The following MIPEP variants were observed in gnomAD, a reference collection of about 807,000 sequenced individuals.
MIPEP encodes mitochondrial intermediate peptidase.
Under a neutral mutation model 90.3 loss-of-function variants are expected in MIPEP, and 79 were observed. That is an observed-to-expected ratio of 0.87 (90% CI 0.73 to 1.05). The LOEUF is 1.05. MIPEP is among the 50% of genes least tolerant of loss of function. The probability of loss-of-function intolerance (pLI) is 0.00; values close to 1 mark genes in which losing one functional copy is unlikely to be tolerated. For missense variants in MIPEP, 940 were observed against 905.6 expected, an observed-to-expected ratio of 1.04 and a Z score of -0.49; for synonymous variants, 334 against 315.8, an observed-to-expected ratio of 1.06 and a Z score of -0.61.
intron 7 of MIPEP, among the ~76,000 whole-genome samples, chr13:23,866,384 C>A (rs950795480): frequency 2.6e-5 from 4 of 152,180 alleles, no homozygotes; most frequent in Non-Finnish European, 5.9e-5. Context: ...CAGCCCCCTG[C>A]CAATACATCA....
At chr13:23,823,492 C>T (rs1953333298) in intron 14 of MIPEP, among the ~76,000 whole-genome samples, 1 of 152,168 alleles carries the variant, frequency 6.6e-6, no homozygotes, top group African/African-American at 2.4e-5. Flanking sequence ...TACGTTATGA[C>T]TGCCATCTTG....
At chr13:23,860,426 T>C (rs1465373669) in intron 9 of MIPEP, among the ~76,000 whole-genome samples, 1 of 151,918 alleles carries the variant, frequency 6.6e-6, no homozygotes, top group Non-Finnish European at 1.5e-5. Context: ...CAAAACTAAG[T>C]GAATAGAGAT....
At chr13:23,877,558 AAATACATTGATACATCAGATTTCC>A (rs1439821370) in intron 4 of MIPEP, among the ~76,000 whole-genome samples, 1 of 152,198 alleles carries the variant, frequency 6.6e-6, no homozygotes, top group Non-Finnish European at 1.5e-5. Context: ...TCAAGCAGGG[AAATACATTGATACATCAGATTTCC>A]AAACTTACTG....
At chr13:23,810,035 T>A in intron 14 of MIPEP, 111 bp from the exon 15 acceptor site, 1 of 545,572 alleles carries the variant, frequency 1.8e-6, no homozygotes, top group Non-Finnish European at 3.2e-6. Context: ...AGTAATAGAA[T>A]TTCATTATAG....
intron 14 of MIPEP, among the ~76,000 whole-genome samples, chr13:23,834,877 T>C (rs1186195182): frequency 6.6e-6 from 1 of 152,292 alleles, no homozygotes; most frequent in East Asian, 1.9e-4. Flanking sequence ...TCTATGTTAT[T>C]GGCCAAGTCT....
chr13:23,859,272 T>C (rs1047723706), intron 9 of MIPEP, among the ~76,000 whole-genome samples: 41 of 152,176 alleles, frequency 2.7e-4, no homozygotes, highest in African/African-American at 9.7e-4. Flanking sequence ...ACACTGTAGG[T>C]AAGATGAGTG....
At chr13:23,824,144 C>T (rs571782569) in intron 14 of MIPEP, among the ~76,000 whole-genome samples, 1 of 152,274 alleles carries the variant, frequency 6.6e-6, no homozygotes, top group African/African-American at 2.4e-5. Context: ...ATAGTTATCA[C>T]CTGAATTCTC....
chr13:23,769,433 T>C (rs1038434355), intron 16 of MIPEP, among the ~76,000 whole-genome samples: 2 of 152,226 alleles, frequency 1.3e-5, no homozygotes, highest in Non-Finnish European at 2.9e-5. Flanking sequence ...GTGCCCTTTG[T>C]AGACCATGAG....
chr13:23,760,122 C>T lies in MIPEP; in HGVS notation c.1944G>A (p.Glu648=), dbSNP rs755280433. The change falls in exon 17 of 19, where the codon GAG becomes GAA. Residue 648 remains glutamate, a synonymous_variant. Transcript: ENST00000382172. ...SRAVASMVWK[E]CFLQDPFNRA... is the part of the protein sequence containing the mutation. ...TGTTGAAAGGATCCTGTAGAAAACA[C>T]TCCTTCCAAACCATGGAGGCGACCG... 6.2e-7 allele frequency: 1 copy of T among 1,614,054 alleles called. No homozygotes were observed. The highest frequency in any genetic ancestry group is 1.3e-5 in the African/African-American group (1 of 74,934).
intron 16 of MIPEP, among the ~76,000 whole-genome samples, chr13:23,762,302 T>C (rs1462268131): frequency 1.3e-5 from 2 of 152,122 alleles, no homozygotes; most frequent in Admixed American, 6.6e-5. Context: ...CTAGTTAACA[T>C]ATCAAGGAAG....
chr13:23,791,812 TC>T (rs1952900314), intron 16 of MIPEP, among the ~76,000 whole-genome samples: 1 of 152,174 alleles, frequency 6.6e-6, no homozygotes, highest in African/African-American at 2.4e-5. Flanking sequence ...ACTCACTGCC[TC>T]CAATTCTTCT....
rs1324185934 is a variant in MIPEP at position 23,837,648 on chromosome 13, T to C, written c.1447A>G (p.Thr483Ala). 1.9e-6 allele frequency: 3 copies of C among 1,613,874 alleles called. No homozygotes were observed. Among genetic ancestry groups the C allele is most frequent in the Non-Finnish European group, 2.5e-6 (3 of 1,179,844 alleles). Residue 483 changes from threonine (T) to alanine (A), a missense_variant, in exon 13 of 19, where the codon ACT becomes GCT. Physicochemically the swap from Thr to Ala is moderately conservative, Grantham distance 58. Coordinates refer to ENST00000382172, the MANE Select transcript of MIPEP (RefSeq NM_005932.4). Reference protein sequence around the residue: ...NLPRSSRSSPTLLTPSMMENL... With the variant: ...NLPRSSRSSPALLTPSMMENL... The stretch of plus-strand genomic sequence containing the variant: ...TCCATCATGCTAGGAGTTAGCAAAG[T>C]TGGAGAACTCCTTGAGGAACGGGGA...
At chr13:23,794,668 A>G (rs539358768) in intron 16 of MIPEP, among the ~76,000 whole-genome samples, 9 of 152,332 alleles carry the variant, frequency 5.9e-5, no homozygotes, top group African/African-American at 2.2e-4. Context: ...GCCGAGAAGA[A>G]AAAAAGGGCA....
chr13:23,878,276 G>A (rs1871148532), intron 4 of MIPEP, among the ~76,000 whole-genome samples: 1 of 152,168 alleles, frequency 6.6e-6, no homozygotes, highest in Non-Finnish European at 1.5e-5. Context: ...CTTCACTAGT[G>A]TCCTGAGCAT....
At chr13:23,785,406 G>T (rs539493581) in intron 16 of MIPEP, among the ~76,000 whole-genome samples, 2 of 149,288 alleles carry the variant, frequency 1.3e-5, no homozygotes, top group Admixed American at 6.8e-5. Flanking sequence ...ACCAAACACC[G>T]CATGTTCTCA....
chr13:23,792,865 G>C (rs1189587300), intron 16 of MIPEP, among the ~76,000 whole-genome samples: 1 of 152,172 alleles, frequency 6.6e-6, no homozygotes, highest in Non-Finnish European at 1.5e-5. Flanking sequence ...CACCCAGTAT[G>C]AGTGGGTGTC....
rs1952524590 is a variant in MIPEP, at chr13:23,760,113, T to C, written c.1953A>G (p.Leu651=). 1 of 1,613,964 alleles carries C rather than the reference T, an allele frequency of 6.2e-7. No homozygotes were observed. The highest frequency in any genetic ancestry group is 1.3e-5 in the African/African-American group (1 of 74,902). The change falls in exon 17 of 19, where the codon CTA becomes CTG. Residue 651 remains leucine, a synonymous_variant. Coordinates refer to ENST00000382172, the MANE Select transcript of MIPEP (RefSeq NM_005932.4). ...CCCCTTACCTGTTGAAAGGATCCTG[T>C]AGAAAACACTCCTTCCAAACCATGG... ...VASMVWKECF[L]QDPFNRAAGE...
chr13:23,781,318 G>C (rs9652079), intron 16 of MIPEP, among the ~76,000 whole-genome samples: 1 of 152,134 alleles, frequency 6.6e-6, no homozygotes, highest in Non-Finnish European at 1.5e-5. Flanking sequence ...TTAAAGAAAA[G>C]AATTTTCAAC....
At chr13:23,836,857 T>C (rs1869076297) in intron 13 of MIPEP, among the ~76,000 whole-genome samples, 1 of 152,218 alleles carries the variant, frequency 6.6e-6, no homozygotes, top group South Asian at 2.1e-4. Flanking sequence ...GTAAGAAATT[T>C]AGATGACATT....
Sources: gnomAD v4.1 joint callset for allele counts (sites outside exome capture counted in the v4.1 genomes callset) on GRCh38, gnomAD v4.1.1 for gene constraint, MANE v1.5 for transcripts, NCBI Gene and HGNC (gene_info 2026-07-23, HGNC 2026-07-21) for gene names.